The following TIAM1 variants were observed in gnomAD, a reference collection of about 807,000 sequenced individuals.
The protein encoded by TIAM1 is TIAM Rac1 associated GEF 1.
A neutral mutation model predicts 163.5 loss-of-function variants in TIAM1; 65 were observed. That is an observed-to-expected ratio of 0.40 (90% confidence interval 0.33 to 0.49). The LOEUF (loss-of-function observed/expected upper bound fraction) is 0.49, where lower values mean the gene tolerates loss of function less well. TIAM1 is among the 20% of genes least tolerant of loss of function. The pLI is 0.77. For synonymous variants in TIAM1, 833 were observed against 810.1 expected (o/e 1.03, Z -0.48); for missense variants, 1,789 against 2,044.7 (o/e 0.87, Z 2.41).
At chr21:31,423,700 T>TAAA (rs200137644) in intron 2 of TIAM1, among the ~76,000 whole-genome samples, 527 of 48,236 alleles carry the variant, frequency 0.011, 12 homozygotes, top group Middle Eastern at 0.05. Context: ...TAGAAAGTTG[T>TAAA]AAAAAAAAAA....
intron 26 of TIAM1, 48 bp downstream of exon 26, chr21:31,127,017 A>G (rs1330893627): frequency 4.4e-6 from 7 of 1,588,114 alleles, no homozygotes; most frequent in East Asian, 2.2e-5. Context: ...AACCGTTCCA[A>G]TCTGCAGAAA....
chr21:31,430,247 T>TATATACAC (rs1491352162), intron 2 of TIAM1, among the ~76,000 whole-genome samples: 66 of 106,912 alleles, frequency 6.2e-4, no homozygotes, highest in African/African-American at 2.3e-3. Flanking sequence ...TATATATATA[T>TATATACAC]ACACACACAC....
intron 2 of TIAM1, among the ~76,000 whole-genome samples, chr21:31,321,705 G>C (rs934129919): frequency 6.6e-6 from 1 of 151,078 alleles, no homozygotes; most frequent in Admixed American, 6.6e-5. Context: ...AGTAAAAATT[G>C]CTCCTTATAA....
At chr21:31,289,078 C>T (rs2833366) in intron 2 of TIAM1, among the ~76,000 whole-genome samples, 4,448 of 152,254 alleles carry the variant, frequency 0.029, 181 homozygotes, top group African/African-American at 0.092. Flanking sequence ...AATAAGCATG[C>T]CCAAGTGCCA....
At chr21:31,390,351 A>G (rs2076947143) in intron 2 of TIAM1, among the ~76,000 whole-genome samples, 1 of 152,242 alleles carries the variant, frequency 6.6e-6, no homozygotes, top group Non-Finnish European at 1.5e-5. Flanking sequence ...TACTGTTATC[A>G]AAAATGACAA....
chr21:31,295,051 AG>A (rs1033265335), intron 2 of TIAM1, among the ~76,000 whole-genome samples: 1 of 152,218 alleles, frequency 6.6e-6, no homozygotes, highest in African/African-American at 2.4e-5. Context: ...TATGGCTTCC[AG>A]ACCTCCATCT....
At chr21:31,136,158 TA>T in intron 22 of TIAM1, 117 bp from the exon 23 acceptor site, 1 of 861,698 alleles carries the variant, frequency 1.2e-6, no homozygotes, top group East Asian at 2.6e-5. Flanking sequence ...ATACTGCTCC[TA>T]AAAACATTTG....
Position 31,266,333 on chromosome 21 carries a change from T to A in TIAM1, c.640A>T (p.Met214Leu). ...TGCCGCGGACTCGCCCGCGTTTCCA[T>A]CCCCCGAGCCTCCTCGCAGTCCTTC... ...EEKDCEEARGMETRASPRQLS... is the reference protein window; with the variant it reads ...EEKDCEEARGLETRASPRQLS... Residue 214 changes from methionine (M) to leucine (L), a missense_variant, in exon 4 of 28, where the codon ATG becomes TTG. By Grantham distance (15) the Met-to-Leu change is conservative. Coordinates refer to ENST00000541036, the MANE Select transcript of TIAM1 (RefSeq NM_001353694.2). The A allele has an allele frequency of 6.2e-7, 1 of 1,614,158 alleles. No individual in the cohort carries two copies. The highest frequency in any genetic ancestry group is 8.5e-7 in the Non-Finnish European group (1 of 1,180,026).
rs112862848 is a variant in TIAM1, at chr21:31,412,153, C to T, written c.-369+51830G>A. On this transcript the variant is annotated intron_variant, in intron 2 of 28. Coordinates refer to the TIAM1 transcript ENST00000286827. ...CTGCAGCAACCTAGATGGAACTGGA[C>T]GCCGTTATCTTAAGTCAGACACAGA... Among the ~76,000 whole-genome samples, 381 of 152,210 alleles carry T rather than the reference C, an allele frequency of 2.5e-3. 1 individual carries two copies. The highest frequency in any genetic ancestry group is 8.7e-3 in the African/African-American group (361 of 41,534).
chr21:31,364,249 G>A (rs1185922272), intron 2 of TIAM1, among the ~76,000 whole-genome samples: 1 of 152,122 alleles, frequency 6.6e-6, no homozygotes, highest in East Asian at 1.9e-4. Flanking sequence ...AGATTTCTGT[G>A]GGCCACCAAA....
chr21:31,169,189 G>A (rs954565274), intron 15 of TIAM1, among the ~76,000 whole-genome samples: 1 of 152,186 alleles, frequency 6.6e-6, no homozygotes, highest in Non-Finnish European at 1.5e-5. Flanking sequence ...AGCTACTTGG[G>A]AGGCTGAGGC....
chr21:31,403,242 G>A (rs1025808772), intron 2 of TIAM1, among the ~76,000 whole-genome samples: 8 of 152,082 alleles, frequency 5.3e-5, no homozygotes, highest in Non-Finnish European at 1.0e-4. Flanking sequence ...CCGCCTCTCC[G>A]GTTCAAGTGA....
Position 31,395,812 on chromosome 21 carries a change from T to C in TIAM1, c.-368-56390A>G, listed in dbSNP as rs2077058302. ...ATTAATGAACAACTATCTGTGAAAA[T>C]CTATCCTAATTAGGAAACAACATGT... On this transcript the variant is annotated intron_variant, in intron 2 of 28. Transcript: ENST00000286827. This position sits in a 1 kb window ranked among gnomAD's most constrained non-coding sequence, Gnocchi z 7.5. Among the ~76,000 whole-genome samples the C allele has an allele frequency of 6.6e-6, 1 of 152,090 alleles. No individual in the cohort carries two copies. The highest frequency in any genetic ancestry group is 2.4e-5 in the African/African-American group (1 of 41,420).
chr21:31,195,189 T>C (rs929434654), intron 13 of TIAM1, 35 bp downstream of exon 13: 3 of 1,527,782 alleles, frequency 2.0e-6, no homozygotes, highest in Non-Finnish European at 2.7e-6. Flanking sequence ...AGAAATACTT[T>C]ACCTTAAAAC....
At chr21:31,281,251 A>G (rs1247390281) in intron 2 of TIAM1, among the ~76,000 whole-genome samples, 1 of 152,200 alleles carries the variant, frequency 6.6e-6, no homozygotes, top group Non-Finnish European at 1.5e-5. Context: ...CTATTACTTC[A>G]TAAATAAAGT....
At chr21:31,326,038 G>C (rs56361193) in intron 2 of TIAM1, among the ~76,000 whole-genome samples, 1 of 152,070 alleles carries the variant, frequency 6.6e-6, no homozygotes, top group African/African-American at 2.4e-5. Flanking sequence ...ACCCTGCTGA[G>C]GCCTCTGCTT....
At position 31,165,037 on chromosome 21, in the gene TIAM1, G is replaced by A. The variant is rs1887459481; in HGVS notation, c.2916C>T (p.Ser972=). 1 of 1,614,094 alleles carries A rather than the reference G, an allele frequency of 6.2e-7. No homozygotes were observed. The highest frequency in any genetic ancestry group is 8.5e-7 in the Non-Finnish European group (1 of 1,180,050). The stretch of plus-strand genomic sequence containing the variant: ...TCTCCTCTGGAGCGGTCTCAGCACT[G>A]CTGCCCTGCTCGCTGCAAAGGCTGT... ...PGHSLCSEQG[S]SAETAPEETE... The change falls in exon 16 of 28, where the codon AGC becomes AGT. Residue 972 remains serine, a synonymous_variant. Coordinates refer to ENST00000541036, the MANE Select transcript of TIAM1 (RefSeq NM_001353694.2).
intron 9 of TIAM1, 28 bp from the exon 10 acceptor site, chr21:31,213,500 A>G (rs767584334): frequency 6.2e-7 from 1 of 1,610,208 alleles, no homozygotes; most frequent in East Asian, 2.2e-5. Flanking sequence ...CCACCTTAAA[A>G]AGGAATCTGG....
rs528215677 is a variant in TIAM1, at chr21:31,143,480, G to A, written c.3476-1976C>T. On this transcript the variant is annotated intron_variant, in intron 20 of 27. Transcript: ENST00000541036. ...TATATATATATACACACACACACAC[G>A]TATATTTTATTAGAAAGTTTAAAAT... 1.1e-4 allele frequency among the ~76,000 whole-genome samples: 17 copies of A among 149,146 alleles called. No homozygotes were observed. In the South Asian group the frequency reaches 3.0e-3, roughly 26 times the overall value.
Sources: allele counts gnomAD v4.1 joint callset (sites outside exome capture counted in the v4.1 genomes callset), GRCh38; gene constraint gnomAD v4.1.1; non-coding constraint Gnocchi (gnomAD v3.1); transcripts MANE v1.5; gene names NCBI Gene and HGNC (gene_info 2026-07-23, HGNC 2026-07-21).